Variants in ANKK1 observed in about 807,000 individuals in gnomAD.
The protein encoded by ANKK1 is ankyrin repeat and protein kinase domain-containing protein 1.
In ANKK1, 37 loss-of-function variants were observed where a neutral mutation model predicts 37.6. The observed-to-expected ratio is 0.98, with a 90% CI of 0.76 to 1.29. The LOEUF is 1.29. Ranked by LOEUF, ANKK1 falls within the 50% of genes most tolerant of loss-of-function variation. The probability of loss-of-function intolerance (pLI) is 0.00; values close to 1 mark genes in which losing one functional copy is unlikely to be tolerated. For synonymous variants in ANKK1, 415 were observed against 418.7 expected, an observed-to-expected ratio of 0.99 and a Z score of 0.11; for missense variants, 1,019 against 990.6, an observed-to-expected ratio of 1.03 and a Z score of -0.39.
chr11:113,397,825 A>G lies in ANKK1; in HGVS notation c.958-155A>G, dbSNP rs113826933. Among the ~76,000 whole-genome samples, 998 of 152,292 alleles carry G rather than the reference A, an allele frequency of 6.6e-3. 9 individuals carry two copies. Among genetic ancestry groups the G allele is most frequent in the African/African-American group, 0.022 (902 of 41,552 alleles). On this transcript the variant is annotated intron_variant, in intron 6 of 7. Transcript: ENST00000303941. Reference sequence around the variant, plus strand: ...AGTGTTTTCCTCTAGACAGCTGGGGATAGTCATGGCAAAGGATAAAGGTTT... The same window carrying G: ...AGTGTTTTCCTCTAGACAGCTGGGGGTAGTCATGGCAAAGGATAAAGGTTT...
rs1012259414 is a variant in ANKK1 at position 113,398,108 on chromosome 11, C to G, written c.994+92C>G. 4 of 1,436,120 alleles carry G rather than the reference C, an allele frequency of 2.8e-6. No individual in the cohort carries two copies. The East Asian group carries it at 9.9e-5, about 35-fold the overall frequency. 89.0% of individuals were successfully genotyped at this position (1,436,120 alleles called of 1,614,324 possible). A position where few individuals can be genotyped will look rare whatever the true frequency, so the allele number is the denominator to read the frequency against. ...CTTTCCCCATCCCCCTGGCCTCCCC[C>G]TCATCCCCAGGCCTATCACACATCC... On this transcript the variant is annotated intron_variant, in intron 7 of 7. Transcript: ENST00000303941.
At position 113,394,985 on chromosome 11, in the gene ANKK1, C is replaced by A. The variant is rs775667496; in HGVS notation, c.537C>A (p.Ile179=). Residue 179 remains isoleucine (I), a synonymous_variant, in exon 3 of 8, where the codon ATC becomes ATA. Coordinates refer to ENST00000303941, the MANE Select transcript of ANKK1 (RefSeq NM_178510.2). ...WMEQSTRMQY[I]ERSALRGMLS... The stretch of plus-strand genomic sequence containing the variant: ...AACAGTCCACCCGGATGCAGTACAT[C>A]GAGAGGTCGGCTCTGCGGGGCATGC... The A allele has an allele frequency of 3.7e-6, 6 of 1,613,502 alleles. No homozygotes were observed. The highest frequency in any genetic ancestry group is 5.1e-6 in the Non-Finnish European group (6 of 1,179,752).
intron 5 of ANKK1, 58 bp downstream of exon 5, chr11:113,396,280 G>T: frequency 6.3e-7 from 1 of 1,594,522 alleles, no homozygotes; most frequent in Non-Finnish European, 8.6e-7. Context: ...CGGGAGGGGA[G>T]ATGACTGGGC....
intron 4 of ANKK1, 36 bp downstream of exon 4, chr11:113,395,444 G>A (rs1387108224): frequency 1.2e-6 from 2 of 1,610,096 alleles, no homozygotes; most frequent in Non-Finnish European, 1.7e-6. Flanking sequence ...TTGGGGGCAG[G>A]AGGACCCCTG....
At chr11:113,395,785 C>T (rs1370763977) in intron 4 of ANKK1, among the ~76,000 whole-genome samples, 1 of 152,212 alleles carries the variant, frequency 6.6e-6, no homozygotes, top group Non-Finnish European at 1.5e-5. Context: ...CCTAGGCCTG[C>T]CCATCAGCTG....
rs181883517 is a variant in ANKK1, at chr11:113,388,065, G to T, written c.181G>T (p.Ala61Ser). 5.4e-6 allele frequency: 8 copies of T among 1,488,776 alleles called. No homozygotes were observed. The highest frequency in any genetic ancestry group is 2.1e-5 in the Admixed American group (1 of 48,176). The allele number at this position is 1,488,776 out of a possible 1,614,324, so 92.2% of individuals were successfully genotyped here. A position where few individuals can be genotyped will look rare whatever the true frequency, so the allele number is the denominator to read the frequency against. Reference sequence around the variant, plus strand: ...CGCCCCCTGCCTTCCACCCGACGCCGCCAGGTACTGCCAGCCTCGCCCTCC... The same window carrying T: ...CGCCCCCTGCCTTCCACCCGACGCCTCCAGGTACTGCCAGCCTCGCCCTCC... ...KCAPCLPPDA[A>S]SSDVNYLIEE... Residue 61 changes from alanine (A) to serine (S), a missense_variant, in exon 1 of 8, where the codon GCC becomes TCC. By Grantham distance (99) the Ala-to-Ser change is moderately conservative. Transcript: ENST00000303941.
chr11:113,396,537 G>T (rs10891548), intron 5 of ANKK1, among the ~76,000 whole-genome samples: 4 of 151,446 alleles, frequency 2.6e-5, no homozygotes, highest in Non-Finnish European at 5.9e-5. Context: ...TGGGGGTCTC[G>T]CTATGTTATT....
chr11:113,393,000 T>A (rs1480108513), intron 1 of ANKK1, among the ~76,000 whole-genome samples: 2 of 152,230 alleles, frequency 1.3e-5, no homozygotes, highest in African/African-American at 4.8e-5. Flanking sequence ...TCTGGAAGGT[T>A]GCATCCCTGG....
chr11:113,398,210 C>T (rs1375416428), intron 7 of ANKK1, among the ~76,000 whole-genome samples, 194 bp downstream of exon 7: 2 of 151,952 alleles, frequency 1.3e-5, no homozygotes, highest in Non-Finnish European at 2.9e-5. Context: ...GGCTGCCTCC[C>T]TTTCAAGTCT....
At position 113,395,341 on chromosome 11, in the gene ANKK1, G is replaced by C. The variant is rs1185402737; in HGVS notation, c.633-18G>C. 1 of 1,613,842 alleles carries C rather than the reference G, an allele frequency of 6.2e-7. No homozygotes were observed. The highest frequency in any genetic ancestry group is 1.7e-5 in the Admixed American group (1 of 60,010). On this transcript the variant is annotated intron_variant, in intron 3 of 7. Coordinates refer to ENST00000303941, the MANE Select transcript of ANKK1 (RefSeq NM_178510.2). Reference sequence around the variant, plus strand: ...ATGTTCAACTAAGTCATTCAGAAAGGGTTCTCTGCATCCACAGCTTTGCAA... The same window carrying C: ...ATGTTCAACTAAGTCATTCAGAAAGCGTTCTCTGCATCCACAGCTTTGCAA...
intron 5 of ANKK1, 42 bp from the exon 6 acceptor site, chr11:113,397,182 C>A: frequency 6.5e-7 from 1 of 1,538,844 alleles, no homozygotes. Flanking sequence ...TGTGGGCCAG[C>A]CCGTTGCTTC....
At chr11:113,390,255 T>A (rs533086046) in intron 1 of ANKK1, among the ~76,000 whole-genome samples, 2 of 152,276 alleles carry the variant, frequency 1.3e-5, no homozygotes, top group East Asian at 1.9e-4. Context: ...TGAATGGCAG[T>A]GTTGACAATT....
chr11:113,397,922 G>A, intron 6 of ANKK1, 58 bp from the exon 7 acceptor site: 1 of 1,536,842 alleles, frequency 6.5e-7, no homozygotes. Flanking sequence ...GGGGAGGAGG[G>A]CACAGGCTAG....
Position 113,399,877 on chromosome 11 carries a change from C to G in ANKK1, c.1908C>G (p.His636Gln), listed in dbSNP as rs764424497. ...CTCCCCTGCACCTAGCTGCACGCCA[C>G]GGGGAGGAGGCGGTGGTGTCAGCAC... ...NWTPLHLAAR[H>Q]GEEAVVSALL... The change falls in exon 8 of 8, where the codon CAC (histidine) becomes CAG (glutamine). Residue 636 changes from histidine to glutamine, a missense_variant. His to Gln is a conservative substitution (Grantham distance 24). Coordinates refer to ENST00000303941, the MANE Select transcript of ANKK1 (RefSeq NM_178510.2). 1 of 1,613,156 alleles carries G rather than the reference C, an allele frequency of 6.2e-7. No homozygotes were observed. The highest frequency in any genetic ancestry group is 8.5e-7 in the Non-Finnish European group (1 of 1,179,766).
At chr11:113,395,501 G>A in intron 4 of ANKK1, 93 bp downstream of exon 4, 4 of 1,385,326 alleles carry the variant, frequency 2.9e-6, no homozygotes, top group Non-Finnish European at 4.1e-6. Context: ...GGTTGGGGGG[G>A]GTCAAGTTGC....
At position 113,387,779 on chromosome 11, in the gene ANKK1, A is replaced by G. The variant is rs1565647275; in HGVS notation, c.-106A>G. 2.4e-5 allele frequency: 31 copies of G among 1,316,444 alleles called. No individual in the cohort carries two copies. Among genetic ancestry groups the G allele is most frequent in the Non-Finnish European group, 2.9e-5 (29 of 995,126 alleles). The allele number at this position is 1,316,444 out of a possible 1,614,324, so 81.5% of individuals were successfully genotyped here. A position where few individuals can be genotyped will look rare whatever the true frequency, so the allele number is the denominator to read the frequency against. ...GGAGGCAGGGCCGGCTCGTCTCCCC[A>G]TTCCCCTCTCCCGGACCCGAGGAGC... On this transcript the variant is annotated 5_prime_UTR_variant, in exon 1 of 8. Transcript: ENST00000303941.
rs747909885 is a variant in ANKK1, at chr11:113,393,770, G to A, written c.475G>A (p.Val159Ile). 3.1e-6 allele frequency: 5 copies of A among 1,599,934 alleles called. No homozygotes were observed. The South Asian group carries it at 3.3e-5, about 11-fold the overall frequency. ...CATACTCCTGGACAGCAACATGCAT[G>A]TCAAAGTAAGGGCTCTGGCCAATCC... is the stretch of plus-strand genomic sequence containing the variant. ...GNILLDSNMHVKISDFGLSKW... is the reference protein window; with the variant it reads ...GNILLDSNMHIKISDFGLSKW... The change falls in exon 2 of 8, where the codon GTC becomes ATC. Residue 159 changes from valine to isoleucine, a missense_variant. Physicochemically the swap from Val to Ile is conservative, Grantham distance 29. Coordinates refer to ENST00000303941, the MANE Select transcript of ANKK1 (RefSeq NM_178510.2).
Position 113,399,781 on chromosome 11 carries a change from C to A in ANKK1, c.1812C>A (p.Gly604=). 6.2e-7 allele frequency: 1 copy of A among 1,603,082 alleles called. No homozygotes were observed. The highest frequency in any genetic ancestry group is 1.3e-5 in the African/African-American group (1 of 74,784). Reference sequence around the variant, plus strand: ...CCCTGCATCTAGCAGCCTACAAGGGCCACCTGGAGATCATCCATCTGCTGG... The same window carrying A: ...CCCTGCATCTAGCAGCCTACAAGGGACACCTGGAGATCATCCATCTGCTGG... ...WTPLHLAAYK[G]HLEIIHLLAE... is the part of the protein sequence containing the mutation. The change falls in exon 8 of 8, where the codon GGC becomes GGA. Residue 604 remains glycine (G), a synonymous_variant. Coordinates refer to ENST00000303941, the MANE Select transcript of ANKK1 (RefSeq NM_178510.2).
intron 1 of ANKK1, among the ~76,000 whole-genome samples, chr11:113,391,942 G>T (rs1950590503): frequency 6.6e-6 from 1 of 152,152 alleles, no homozygotes; most frequent in Admixed American, 6.6e-5. Context: ...AAGAGTCAGA[G>T]ATCTGAACTA....
Sources: gnomAD v4.1 joint callset for allele counts (sites outside exome capture counted in the v4.1 genomes callset) on GRCh38, gnomAD v4.1.1 for gene constraint, MANE v1.5 for transcripts, NCBI Gene and HGNC (gene_info 2026-07-23, HGNC 2026-07-21) for gene names.